SPATA2: variants seen among roughly 807,000 people sequenced by gnomAD.
SPATA2 encodes spermatogenesis-associated protein 2.
Under a neutral mutation model 35.4 loss-of-function variants are expected in SPATA2, and 8 were observed. The observed-to-expected ratio is 0.23, with a 90% CI of 0.13 to 0.41. The LOEUF (loss-of-function observed/expected upper bound fraction) is 0.41, where lower values mean the gene tolerates loss of function less well. SPATA2 is among the 10% of genes least tolerant of loss of function. The pLI is 1.00. For synonymous variants in SPATA2, 293 were observed against 300.9 expected (o/e 0.97, Z 0.27); for missense variants, 650 against 698.7 (o/e 0.93, Z 0.79).
chr20:49,906,077 G>A lies in SPATA2; in HGVS notation c.1105C>T (p.His369Tyr). The A allele has an allele frequency of 6.2e-7, 1 of 1,609,164 alleles. No homozygotes were observed. Among genetic ancestry groups the A allele is most frequent in the Non-Finnish European group, 8.5e-7 (1 of 1,179,732 alleles). ...LLRNDAHSLY[H>Y]KRSPPAKESA... ...TCTTTGGCAGGGGGCGAGCGCTTGT[G>A]GTAGAGGGAGTGGGCATCGTTTCTG... Residue 369 changes from histidine to tyrosine, a missense_variant, in exon 3 of 3, where the codon CAC (histidine) becomes TAC (tyrosine). His to Tyr is a moderately conservative substitution (Grantham distance 83). Coordinates refer to ENST00000289431, the MANE Select transcript of SPATA2 (RefSeq NM_006038.4). The surrounding 1 kb of genome is among the most constrained non-coding windows in gnomAD (Gnocchi z 8.2).
chr20:49,910,461 G>A (rs2146834302), intron 1 of SPATA2, among the ~76,000 whole-genome samples: 1 of 152,280 alleles, frequency 6.6e-6, no homozygotes, highest in East Asian at 1.9e-4. Context: ...CCTCTGACTG[G>A]GTGGTAGATG....
chr20:49,903,681 C>A lies in SPATA2; in HGVS notation c.*1938G>T, dbSNP rs995967037. ...CCATAGGGTAAGTTACGTGGCATCA[C>A]GGTTGGTTAGAAAGAGTTAGTTACT... On this transcript the variant is annotated 3_prime_UTR_variant, in exon 3 of 3. Coordinates refer to ENST00000289431, the MANE Select transcript of SPATA2 (RefSeq NM_006038.4). 1 of 151,652 alleles carries A rather than the reference C, an allele frequency of 6.6e-6. No homozygotes were observed. Among genetic ancestry groups the A allele is most frequent in the Non-Finnish European group, 1.5e-5 (1 of 67,968 alleles). 9.4% of individuals were successfully genotyped at this position (151,652 alleles called of 1,614,324 possible). A position where few individuals can be genotyped will look rare whatever the true frequency, so the allele number is the denominator to read the frequency against.
At chr20:49,908,008 T>C (rs562600020) in intron 2 of SPATA2, 147 bp downstream of exon 2, 2 of 810,156 alleles carry the variant, frequency 2.5e-6, no homozygotes, top group Non-Finnish European at 3.9e-6. Flanking sequence ...TCAGAGGTGA[T>C]GCTGGAGAGA....
In SPATA2 at chr20:49,903,896, C is replaced by CAGATAGAT. The variant is rs1195528869; in HGVS notation, c.*1715_*1722dup. On this transcript the variant is annotated 3_prime_UTR_variant, in exon 3 of 3. Coordinates refer to ENST00000289431, the MANE Select transcript of SPATA2 (RefSeq NM_006038.4). Reference sequence around the variant, plus strand: ...CACTGTACATCTACATGTGATCTACCAGATAGATATATATATATATATATA... The same window carrying CAGATAGAT: ...CACTGTACATCTACATGTGATCTACCAGATAGATAGATAGATATATATATATATATATA... The CAGATAGAT allele has an allele frequency of 3.7e-4, 31 of 83,234 alleles. No individual in the cohort carries two copies. Among genetic ancestry groups the CAGATAGAT allele is most frequent in the Non-Finnish European group, 3.3e-4 (15 of 46,056 alleles). 5.2% of individuals were successfully genotyped at this position (83,234 alleles called of 1,614,324 possible).
chr20:49,906,544 C>G lies in SPATA2; in HGVS notation c.638G>C (p.Arg213Pro). 6.2e-7 allele frequency: 1 copy of G among 1,613,284 alleles called. No homozygotes were observed. Among genetic ancestry groups the G allele is most frequent in the Non-Finnish European group, 8.5e-7 (1 of 1,179,850 alleles). Residue 213 changes from arginine (R) to proline (P), a missense_variant, in exon 3 of 3, where the codon CGG becomes CCG. Physicochemically the swap from Arg to Pro is moderately radical, Grantham distance 103. Transcript: ENST00000289431. The surrounding 1 kb of genome is among the most constrained non-coding windows in gnomAD (Gnocchi z 8.2). Reference sequence around the variant, plus strand: ...CAGGTGCTCCCGGCCCTCTGCCCGCCGCCGCAGGGCGTCCGAGCAGCCGCG... The same window carrying G: ...CAGGTGCTCCCGGCCCTCTGCCCGCGGCCGCAGGGCGTCCGAGCAGCCGCG... ...DVRGCSDALRRRAEGREHLTA... is the reference protein window; with the variant it reads ...DVRGCSDALRPRAEGREHLTA...
At chr20:49,908,034 G>T in intron 2 of SPATA2, 121 bp downstream of exon 2, 1 of 1,019,874 alleles carries the variant, frequency 9.8e-7, no homozygotes, top group Non-Finnish European at 1.4e-6. Flanking sequence ...AAGGTTCGGA[G>T]CCCGGAAGGA....
intron 1 of SPATA2, among the ~76,000 whole-genome samples, chr20:49,913,900 G>A (rs2090194775): frequency 6.6e-6 from 1 of 152,092 alleles, no homozygotes; most frequent in South Asian, 2.1e-4. Flanking sequence ...CCAGCACTCT[G>A]CAAGAACAAC....
rs6122841 is a variant in SPATA2 at position 49,915,228 on chromosome 20, C to G, written c.-103+152G>C. ...GGGTCCTGAGGATAGGCTGGGGGTC[C>G]CGGGAGCGCCGAAACAGCGGGCCCA... On this transcript the variant is annotated intron_variant, in intron 1 of 2. Coordinates refer to ENST00000289431, the MANE Select transcript of SPATA2 (RefSeq NM_006038.4). Among the ~76,000 whole-genome samples the G allele has an allele frequency of 3.5e-4, 53 of 152,304 alleles. No individual in the cohort carries two copies. The East Asian group carries it at 8.5e-3, about 25-fold the overall frequency.
Position 49,905,981 on chromosome 20 carries a change from G to A in SPATA2, c.1201C>T (p.Leu401=). 1 of 1,608,228 alleles carries A rather than the reference G, an allele frequency of 6.2e-7. No individual in the cohort carries two copies. The highest frequency in any genetic ancestry group is 8.5e-7 in the Non-Finnish European group (1 of 1,179,838). The change falls in exon 3 of 3, where the codon CTG becomes TTG. Residue 401 remains leucine, a synonymous_variant. Coordinates refer to ENST00000289431, the MANE Select transcript of SPATA2 (RefSeq NM_006038.4). ...TTGGAAGCTGGAGGACAGGTGAGCAGGCTGTCACAGCGCTGGCAGAGGGAG... is the reference window on the plus strand; with the variant it reads ...TTGGAAGCTGGAGGACAGGTGAGCAAGCTGTCACAGCGCTGGCAGAGGGAG... ...SSSLCQRCDS[L]LTCPPASKPS...
chr20:49,910,847 T>C (rs2090178641), intron 1 of SPATA2, among the ~76,000 whole-genome samples: 1 of 152,122 alleles, frequency 6.6e-6, no homozygotes, highest in African/African-American at 2.4e-5. Context: ...GGCCACTGTC[T>C]CCAACACACT....
rs909852055 is a variant in SPATA2 at position 49,904,767 on chromosome 20, G to C, written c.*852C>G. Reference sequence around the variant, plus strand: ...CGAGGCCCTCCCTTGGAAGACTAAAGAACCCAGGGCATTTAATAAATAGCT... The same window carrying C: ...CGAGGCCCTCCCTTGGAAGACTAAACAACCCAGGGCATTTAATAAATAGCT... On this transcript the variant is annotated 3_prime_UTR_variant, in exon 3 of 3. Transcript: ENST00000289431. The C allele has an allele frequency of 6.6e-6, 1 of 152,628 alleles. No homozygotes were observed. The highest frequency in any genetic ancestry group is 2.4e-5 in the African/African-American group (1 of 41,450). The allele number at this position is 152,628 out of a possible 1,614,324, so 9.5% of individuals were successfully genotyped here.
In SPATA2 at chr20:49,905,918, T is replaced by C; in HGVS notation, c.1264A>G (p.Ser422Gly). 2 of 1,612,024 alleles carry C rather than the reference T, an allele frequency of 1.2e-6. No individual in the cohort carries two copies. The highest frequency in any genetic ancestry group is 1.7e-5 in the Admixed American group (1 of 60,020). Residue 422 changes from serine (S) to glycine (G), a missense_variant, in exon 3 of 3, where the codon AGC becomes GGC. Transcript: ENST00000289431. ...AFPSKASTHD[S>G]LAHGASLREK... ...CGCAGAGATGCCCCGTGGGCCAGGCTGTCATGAGTCGAGGCCTTGCTGGGG... is the reference window on the plus strand; with the variant it reads ...CGCAGAGATGCCCCGTGGGCCAGGCCGTCATGAGTCGAGGCCTTGCTGGGG...
Position 49,905,569 on chromosome 20 carries a change from C to T in SPATA2, c.*50G>A, listed in dbSNP as rs779719130. The T allele has an allele frequency of 2.5e-6, 4 of 1,592,496 alleles. No homozygotes were observed. In the South Asian group the frequency reaches 3.4e-5, roughly 13 times the overall value. Reference sequence around the variant, plus strand: ...CGTTAGTACTTCTTCACCGTGAAACCCGAAAGGTCGGTTGATGTAGCCCTT... The same window carrying T: ...CGTTAGTACTTCTTCACCGTGAAACTCGAAAGGTCGGTTGATGTAGCCCTT... On this transcript the variant is annotated 3_prime_UTR_variant, in exon 3 of 3. Coordinates refer to ENST00000289431, the MANE Select transcript of SPATA2 (RefSeq NM_006038.4).
At position 49,903,902 on chromosome 20, in the gene SPATA2, G is replaced by GATAGAGAT. The variant is rs1431587837; in HGVS notation, c.*1716_*1717insATCTCTAT. On this transcript the variant is annotated 3_prime_UTR_variant, in exon 3 of 3. Coordinates refer to ENST00000289431, the MANE Select transcript of SPATA2 (RefSeq NM_006038.4). ...ACATCTACATGTGATCTACCAGATAGATATATATATATATATATATATATA... is the reference window on the plus strand; with the variant it reads ...ACATCTACATGTGATCTACCAGATAGATAGAGATATATATATATATATATATATATATA... 3 of 96,934 alleles carry GATAGAGAT rather than the reference G, an allele frequency of 3.1e-5. No homozygotes were observed. The highest frequency in any genetic ancestry group is 6.0e-5 in the Non-Finnish European group (3 of 49,700). The allele number at this position is 96,934 out of a possible 1,614,324, so 6.0% of individuals were successfully genotyped here.
At chr20:49,910,281 T>C (rs573824087) in intron 1 of SPATA2, among the ~76,000 whole-genome samples, 282 of 152,246 alleles carry the variant, frequency 1.9e-3, no homozygotes, top group Admixed American at 2.9e-3. Flanking sequence ...TTTTCTCCTA[T>C]AAAACGGGGT....
At chr20:49,909,071 G>A (rs1381181974) in intron 1 of SPATA2, among the ~76,000 whole-genome samples, 1 of 152,152 alleles carries the variant, frequency 6.6e-6, no homozygotes, top group Non-Finnish European at 1.5e-5. Context: ...AGCCCAGGCT[G>A]GAGTGCAGTG....
rs1568904546 is a variant in SPATA2, at chr20:49,903,943, AT to A, written c.*1675del. Reference sequence around the variant, plus strand: ...TATATATATATATATATATATATATATATATATATTAAAAAGAGAGCCATAG... The same window carrying A: ...TATATATATATATATATATATATATAATATATATTAAAAAGAGAGCCATAG... On this transcript the variant is annotated 3_prime_UTR_variant, in exon 3 of 3. Coordinates refer to ENST00000289431, the MANE Select transcript of SPATA2 (RefSeq NM_006038.4). 2.9e-4 allele frequency: 24 copies of A among 84,144 alleles called. No individual in the cohort carries two copies. Among genetic ancestry groups the A allele is most frequent in the Non-Finnish European group, 4.7e-4 (19 of 40,478 alleles). 5.2% of individuals were successfully genotyped at this position (84,144 alleles called of 1,614,324 possible).
chr20:49,906,816 G>A lies in SPATA2; in HGVS notation c.366C>T (p.Val122=). 1.9e-6 allele frequency: 3 copies of A among 1,611,904 alleles called. No individual in the cohort carries two copies. Among genetic ancestry groups the A allele is most frequent in the Non-Finnish European group, 2.5e-6 (3 of 1,178,378 alleles). ...KTYTGPFVYY[V]KSTLLEEDIR... ...TGTCCTCTTCCAGTAATGTCGACTT[G>A]ACATAATAAACAAAAGGGCCCGTGT... Residue 122 remains valine (V), a synonymous_variant, in exon 3 of 3, where the codon GTC becomes GTT. Coordinates refer to ENST00000289431, the MANE Select transcript of SPATA2 (RefSeq NM_006038.4). The surrounding 1 kb of genome is among the most constrained non-coding windows in gnomAD (Gnocchi z 8.2).
rs2090123870 is a variant in SPATA2, at chr20:49,903,928, T to TATATATATATATAG, written c.*1690_*1691insCTATATATATATAT. ...ATATATATATATATATATATATATA[T>TATATATATATATAG]ATATATATATATATATATATATATT... On this transcript the variant is annotated 3_prime_UTR_variant, in exon 3 of 3. Coordinates refer to ENST00000289431, the MANE Select transcript of SPATA2 (RefSeq NM_006038.4). The TATATATATATATAG allele has an allele frequency of 7.5e-6, 1 of 133,890 alleles. No homozygotes were observed. Among genetic ancestry groups the TATATATATATATAG allele is most frequent in the East Asian group, 2.1e-4 (1 of 4,716 alleles). The allele number at this position is 133,890 out of a possible 1,614,324, so 8.3% of individuals were successfully genotyped here.
Sources: gnomAD v4.1 joint callset for allele counts (sites outside exome capture counted in the v4.1 genomes callset) on GRCh38, gnomAD v4.1.1 for gene constraint, Gnocchi (gnomAD v3.1) non-coding constraint, MANE v1.5 for transcripts, NCBI Gene and HGNC (gene_info 2026-07-23, HGNC 2026-07-21) for gene names.